Variants in DNAJC13 observed in about 807,000 individuals in gnomAD.
DNAJC13 encodes DnaJ heat shock protein family (Hsp40) member C13.
A neutral mutation model predicts 290.5 loss-of-function variants in DNAJC13; 75 were observed. The ratio of observed to expected loss-of-function variants is 0.26; its 90% CI spans 0.21 to 0.31. DNAJC13 has a LOEUF of 0.31. Ranked by LOEUF, DNAJC13 falls within the 10% of genes least tolerant of loss-of-function variation. The probability of loss-of-function intolerance (pLI) is 1.00; values close to 1 mark genes in which losing one functional copy is unlikely to be tolerated. For missense variants in DNAJC13, 2,260 were observed against 2,674.5 expected (o/e 0.85, Z 3.42); for synonymous variants, 862 against 892.0 (o/e 0.97, Z 0.60).
chr3:132,446,147 C>G (rs1280608998), intron 2 of DNAJC13, among the ~76,000 whole-genome samples: 3 of 150,842 alleles, frequency 2.0e-5, no homozygotes, highest in African/African-American at 7.3e-5. Flanking sequence ...TTTAATAAAA[C>G]TTTCCCATTT....
chr3:132,529,200 A>G (rs1470585844), intron 54 of DNAJC13, among the ~76,000 whole-genome samples: 2 of 152,114 alleles, frequency 1.3e-5, no homozygotes, highest in Non-Finnish European at 2.9e-5. Context: ...ATATAATCAT[A>G]CATATGTGAC....
chr3:132,523,623 A>T lies in DNAJC13; in HGVS notation c.5970A>T (p.Ala1990=). Residue 1990 remains alanine, a synonymous_variant, in exon 51 of 56, where the codon GCA becomes GCT. Coordinates refer to ENST00000260818, the MANE Select transcript of DNAJC13 (RefSeq NM_015268.4). The part of the protein sequence containing the change: ...VGGVFLRIFI[A]QPAWVLRKPR... ...GAGTCTTCTTGAGGATCTTTATTGCACAACCAGCCTGGGTTCTAAGAAAGC... is the reference window on the plus strand; with the variant it reads ...GAGTCTTCTTGAGGATCTTTATTGCTCAACCAGCCTGGGTTCTAAGAAAGC... The T allele has an allele frequency of 6.2e-7, 1 of 1,614,106 alleles. No homozygotes were observed. Among genetic ancestry groups the T allele is most frequent in the Non-Finnish European group, 8.5e-7 (1 of 1,179,984 alleles).
At chr3:132,473,472 T>A (rs1018745517) in intron 21 of DNAJC13, among the ~76,000 whole-genome samples, 2 of 152,202 alleles carry the variant, frequency 1.3e-5, no homozygotes, top group African/African-American at 4.8e-5. Context: ...TTAGAGATGC[T>A]TATTTTAAAA....
intron 43 of DNAJC13, 138 bp downstream of exon 43, chr3:132,507,491 A>G (rs1935633322): frequency 1.6e-6 from 1 of 639,424 alleles, no homozygotes; most frequent in Non-Finnish European, 2.7e-6. Context: ...TTTTTAACAA[A>G]TCAAAGGTTT....
rs1202050655 is a variant in DNAJC13, at chr3:132,483,518, T to C, written c.3123T>C (p.Thr1041=). 6.2e-7 allele frequency: 1 copy of C among 1,614,034 alleles called. No individual in the cohort carries two copies. The highest frequency in any genetic ancestry group is 8.5e-7 in the Non-Finnish European group (1 of 1,180,004). The change falls in exon 28 of 56, where the codon ACT becomes ACC. Residue 1041 remains threonine (T), a synonymous_variant. Transcript: ENST00000260818. ...GTGGACAGGCTGTCCTGAATGAAAC[T>C]GACCTTGCTACCCTTATATTGAACA... ...LASGQAVLNE[T]DLATLILNML...
intron 2 of DNAJC13, among the ~76,000 whole-genome samples, chr3:132,443,205 T>A (rs1459275230): frequency 6.6e-6 from 1 of 152,216 alleles, no homozygotes; most frequent in Non-Finnish European, 1.5e-5. Context: ...TAGGCTGGAA[T>A]ACAGTGGTAT....
intron 16 of DNAJC13, among the ~76,000 whole-genome samples, chr3:132,462,750 T>A (rs994431778): frequency 5.9e-5 from 9 of 152,248 alleles, no homozygotes; most frequent in African/African-American, 2.2e-4. Context: ...ATAAATCTGT[T>A]ACTGCATTAT....
chr3:132,516,790 A>G lies in DNAJC13; in HGVS notation c.5647A>G (p.Thr1883Ala). ...AQTAELFAKM[T>A]ADKLIGPKVR... ...AACAGCAGAACTTTTTGCCAAAATG[A>G]CAGCAGATAAACTGATAGGTCCAAA... is the stretch of plus-strand genomic sequence containing the variant. The change falls in exon 48 of 56, where the codon ACA becomes GCA. Residue 1883 changes from threonine to alanine, a missense_variant. Thr to Ala is a moderately conservative substitution (Grantham distance 58). Around this residue, in one of 3 missense-constraint regions of DNAJC13, gnomAD observed 1,494 missense variants for 1,693.7 expected, o/e 0.88. Coordinates refer to ENST00000260818, the MANE Select transcript of DNAJC13 (RefSeq NM_015268.4). 1 of 1,613,496 alleles carries G rather than the reference A, an allele frequency of 6.2e-7. No individual in the cohort carries two copies. The highest frequency in any genetic ancestry group is 8.5e-7 in the Non-Finnish European group (1 of 1,179,574).
At position 132,528,229 on chromosome 3, in the gene DNAJC13, T is replaced by C; in HGVS notation, c.6422T>C (p.Leu2141Pro). ...ADLVPYLLKL[L>P]EGIGLENLDS... ...TTGGTTCCATACCTCTTAAAATTAC[T>C]CGAAGGCATTGGCCTTGAAAACCTG... Residue 2141 changes from leucine to proline, a missense_variant, in exon 54 of 56, where the codon CTC (leucine) becomes CCC (proline). By Grantham distance (98) the Leu-to-Pro change is moderately conservative. This residue lies in a region of DNAJC13 where 1,494 missense variants were observed against 1,693.7 expected (regional missense o/e 0.88). Transcript: ENST00000260818. 1 of 1,614,174 alleles carries C rather than the reference T, an allele frequency of 6.2e-7. No individual in the cohort carries two copies. The highest frequency in any genetic ancestry group is 8.5e-7 in the Non-Finnish European group (1 of 1,180,002).
intron 13 of DNAJC13, among the ~76,000 whole-genome samples, chr3:132,460,024 T>A (rs985075900): frequency 1.4e-4 from 22 of 152,206 alleles, no homozygotes; most frequent in African/African-American, 5.3e-4. Flanking sequence ...CTTTTGTATA[T>A]GTTGAGTTAA....
intron 17 of DNAJC13, among the ~76,000 whole-genome samples, chr3:132,464,714 A>G (rs943526705): frequency 1.3e-5 from 2 of 152,110 alleles, no homozygotes; most frequent in African/African-American, 4.8e-5. Context: ...TTTTCCTAGT[A>G]TTGTCTTATT....
chr3:132,535,821 C>T (rs866926589), intron 55 of DNAJC13, among the ~76,000 whole-genome samples: 2 of 152,174 alleles, frequency 1.3e-5, no homozygotes, highest in African/African-American at 4.8e-5. Context: ...AACACAACTG[C>T]CCTATTCTGT....
intron 6 of DNAJC13, among the ~76,000 whole-genome samples, chr3:132,452,965 G>A (rs912717895): frequency 6.6e-5 from 10 of 152,188 alleles, no homozygotes; most frequent in African/African-American, 2.4e-4. Flanking sequence ...TGCCCACACA[G>A]TACCCATCAC....
At chr3:132,443,077 A>G (rs746609205) in intron 2 of DNAJC13, among the ~76,000 whole-genome samples, 2 of 152,230 alleles carry the variant, frequency 1.3e-5, no homozygotes, top group Non-Finnish European at 2.9e-5. Context: ...GCCTCAAAGA[A>G]GAAGACTTGT....
At chr3:132,511,610 C>A (rs1250035912) in intron 44 of DNAJC13, among the ~76,000 whole-genome samples, 2 of 152,086 alleles carry the variant, frequency 1.3e-5, no homozygotes, top group South Asian at 4.1e-4. Flanking sequence ...CCTTTCTGGT[C>A]CCTAACCAGT....
intron 34 of DNAJC13, 69 bp from the exon 35 acceptor site, chr3:132,495,019 T>C (rs1935188751): frequency 9.6e-7 from 1 of 1,039,104 alleles, no homozygotes; most frequent in Non-Finnish European, 1.5e-6. Context: ...AATATCATTT[T>C]AGATGGTTTT....
rs1935196681 is a variant in DNAJC13 at position 132,495,158 on chromosome 3, G to A, written c.4012G>A (p.Glu1338Lys). The A allele has an allele frequency of 3.7e-6, 6 of 1,613,168 alleles. No individual in the cohort carries two copies. The highest frequency in any genetic ancestry group is 1.1e-5 in the South Asian group (1 of 91,006). The change falls in exon 35 of 56, where the codon GAA (glutamate) becomes AAA (lysine). Residue 1338 changes from glutamate to lysine, a missense_variant. Around this residue, in one of 3 missense-constraint regions of DNAJC13, gnomAD observed 1,494 missense variants for 1,693.7 expected, o/e 0.88. Coordinates refer to ENST00000260818, the MANE Select transcript of DNAJC13 (RefSeq NM_015268.4). ...AQKYHPDKNP[E>K]GRDMFEKVNK... is the part of the protein sequence containing the mutation. ...AAAGTACCACCCTGATAAGAATCCA[G>A]AAGGGAGGGTATGTACTGCTGTTGG...
intron 55 of DNAJC13, chr3:132,537,121 A>T: frequency 2.2e-6 from 1 of 455,902 alleles, no homozygotes; most frequent in South Asian, 1.5e-5. Context: ...CTTCCTCACA[A>T]CTTCCCTTGC....
intron 1 of DNAJC13, among the ~76,000 whole-genome samples, chr3:132,418,099 C>T (rs918371974): frequency 6.6e-5 from 10 of 152,164 alleles, no homozygotes; most frequent in African/African-American, 2.4e-4. Flanking sequence ...CTCGGGATTC[C>T]CTTCCAGTCT....
Sources: allele counts gnomAD v4.1 joint callset (sites outside exome capture counted in the v4.1 genomes callset), GRCh38; gene constraint gnomAD v4.1.1; regional missense constraint gnomAD v4.1.1; transcripts MANE v1.5; gene names NCBI Gene and HGNC (gene_info 2026-07-23, HGNC 2026-07-21).